The following NLGN1 variants were observed in gnomAD, a reference collection of about 807,000 sequenced individuals.
NLGN1 encodes neuroligin-1.
In NLGN1, 12 loss-of-function variants were observed where a neutral mutation model predicts 65.5. The observed-to-expected ratio is 0.18, with a 90% CI of 0.12 to 0.30. The LOEUF is 0.30. Among genes scored for constraint, NLGN1 ranks in the 10% least tolerant of loss-of-function variants. The pLI is 1.00. For missense variants in NLGN1, 750 were observed against 1,007.1 expected, an observed-to-expected ratio of 0.74 and a Z score of 3.46; for synonymous variants, 350 against 359.5, an observed-to-expected ratio of 0.97 and a Z score of 0.30.
At chr3:173,776,080 C>A (rs543761275) in intron 3 of NLGN1, among the ~76,000 whole-genome samples, 1 of 152,156 alleles carries the variant, frequency 6.6e-6, no homozygotes, top group South Asian at 2.1e-4. Context: ...TTTTACTAAA[C>A]CTTCCAGGCA....
chr3:174,167,330 C>T (rs912018733), intron 4 of NLGN1, among the ~76,000 whole-genome samples: 22 of 151,982 alleles, frequency 1.4e-4, no homozygotes, highest in Admixed American at 1.3e-3. Context: ...TAGCAGGTAT[C>T]ATTTATTTGT....
chr3:174,184,344 T>C (rs922184450), intron 4 of NLGN1, among the ~76,000 whole-genome samples: 2 of 101,638 alleles, frequency 2.0e-5, no homozygotes, highest in Non-Finnish European at 4.1e-5. Flanking sequence ...AATAGAAATA[T>C]CAATAAAAAA....
At chr3:174,196,837 A>T (rs887069622) in intron 4 of NLGN1, among the ~76,000 whole-genome samples, 1 of 152,230 alleles carries the variant, frequency 6.6e-6, no homozygotes, top group Non-Finnish European at 1.5e-5. Context: ...TTGTACTTGA[A>T]ATGCTTTACA....
At chr3:174,278,737 T>TCTAA (rs945752621) in intron 5 of NLGN1, 124 bp from the exon 6 acceptor site, 9 of 731,958 alleles carry the variant, frequency 1.2e-5, no homozygotes, top group African/African-American at 7.3e-5. Flanking sequence ...GAAAAATATC[T>TCTAA]CTAACTCCCT....
intron 2 of NLGN1, among the ~76,000 whole-genome samples, chr3:173,547,231 A>G (rs1431613675): frequency 6.6e-6 from 1 of 152,248 alleles, no homozygotes; most frequent in East Asian, 1.9e-4. Context: ...ACCACCATCA[A>G]CTGTCATTTG....
intron 3 of NLGN1, among the ~76,000 whole-genome samples, chr3:173,656,015 G>A (rs1017136233): frequency 1.3e-5 from 2 of 152,050 alleles, no homozygotes; most frequent in Non-Finnish European, 2.9e-5. Flanking sequence ...AATTTTTTGG[G>A]GGTTTAAATA....
chr3:173,864,863 T>C (rs751776412), intron 4 of NLGN1, among the ~76,000 whole-genome samples: 2 of 152,148 alleles, frequency 1.3e-5, no homozygotes, highest in African/African-American at 2.4e-5. Context: ...GGAATTGGAA[T>C]GGTGGAGGAG....
Position 173,509,581 on chromosome 3 carries a change from T to C in NLGN1, c.-321+74503T>C, listed in dbSNP as rs77685256. Among the ~76,000 whole-genome samples the C allele has an allele frequency of 8.3e-3, 1,261 of 152,194 alleles. 5 individuals are homozygous for C. The highest frequency in any genetic ancestry group is 0.012 in the Admixed American group (185 of 15,282). ...TGAGCCATACTGTGAAACTAAACGC[T>C]GCACTCTAGCCAGGGTGATGGGAGC... On this transcript the variant is annotated intron_variant, in intron 2 of 6. Transcript: ENST00000457714.
At chr3:174,140,976 A>T (rs955675985) in intron 4 of NLGN1, among the ~76,000 whole-genome samples, 2 of 152,094 alleles carry the variant, frequency 1.3e-5, no homozygotes, top group Non-Finnish European at 2.9e-5. Flanking sequence ...ATCATTTGTT[A>T]TTTCTAGAAT....
At chr3:173,758,975 T>A (rs1009088807) in intron 3 of NLGN1, among the ~76,000 whole-genome samples, 4 of 151,862 alleles carry the variant, frequency 2.6e-5, no homozygotes, top group Admixed American at 2.0e-4. Flanking sequence ...TTATTGCCTT[T>A]ATTGATAAAT....
exon 7 of NLGN1, chr3:174,285,256 G>A (rs1182836953): frequency 6.6e-6 from 1 of 151,300 alleles, no homozygotes; most frequent in East Asian, 1.9e-4. Flanking sequence ...TAGTAATTTT[G>A]TTTTCTTCTG....
Position 174,259,469 on chromosome 3 carries a change from GA to G in NLGN1, c.647-15844del, listed in dbSNP as rs373275639. Among the ~76,000 whole-genome samples the G allele has an allele frequency of 6.6e-4, 100 of 150,460 alleles. 1 individual carries two copies. In the East Asian group the frequency reaches 0.018, roughly 27 times the overall value. On this transcript the variant is annotated intron_variant, in intron 4 of 6. Transcript: ENST00000457714. The stretch of plus-strand genomic sequence containing the variant: ...CTACTCTCTTTTTTCGATAGCCTAA[GA>G]ATTACATCAATTATGTGTATTAGCA...
At chr3:174,076,708 AGAGAGAGAGAGAGAGAGTGTGTGT>A (rs1254461892) in intron 4 of NLGN1, among the ~76,000 whole-genome samples, 1 of 139,660 alleles carries the variant, frequency 7.2e-6, no homozygotes, top group African/African-American at 2.7e-5. Context: ...AGAGAGAGAG[AGAGAGAGAGAGAGAGAGTGTGTGT>A]GTGTGTGTGT....
chr3:173,616,135 T>G (rs1013293497), intron 3 of NLGN1, among the ~76,000 whole-genome samples: 24 of 152,076 alleles, frequency 1.6e-4, no homozygotes, highest in African/African-American at 5.3e-4. Flanking sequence ...ACCCCTTACA[T>G]GAGCACTCAC....
chr3:173,777,009 C>A (rs2150298120), intron 3 of NLGN1, among the ~76,000 whole-genome samples: 1 of 152,008 alleles, frequency 6.6e-6, no homozygotes, highest in East Asian at 1.9e-4. Flanking sequence ...CTTGGGAAAG[C>A]AGTAAGAGTG....
At chr3:173,452,600 A>C (rs1204896485) in intron 2 of NLGN1, among the ~76,000 whole-genome samples, 1 of 152,218 alleles carries the variant, frequency 6.6e-6, no homozygotes, top group Non-Finnish European at 1.5e-5. Flanking sequence ...TACTGATATG[A>C]ACAGGCCTGT....
intron 3 of NLGN1, among the ~76,000 whole-genome samples, chr3:173,634,771 GA>G (rs1225322505): frequency 1.3e-5 from 2 of 152,168 alleles, no homozygotes; most frequent in African/African-American, 4.8e-5. Context: ...CTGAGAAGAA[GA>G]GTAAGGTAGT....
At chr3:174,265,500 C>A (rs746798462) in intron 4 of NLGN1, among the ~76,000 whole-genome samples, 30 of 152,036 alleles carry the variant, frequency 2.0e-4, no homozygotes, top group Non-Finnish European at 4.3e-4. Context: ...TGACGCCTTG[C>A]GCTTCCCAAG....
intron 4 of NLGN1, among the ~76,000 whole-genome samples, chr3:174,165,441 A>G (rs900395071): frequency 4.6e-5 from 7 of 152,000 alleles, no homozygotes; most frequent in Admixed American, 2.6e-4. Flanking sequence ...CTTTTTGGGC[A>G]TCTGTTGAGA....
Sources: allele counts gnomAD v4.1 joint callset (sites outside exome capture counted in the v4.1 genomes callset), GRCh38; gene constraint gnomAD v4.1.1; transcripts MANE v1.5; gene names NCBI Gene and HGNC (gene_info 2026-07-23, HGNC 2026-07-21).